The following EHBP1 variants were observed in gnomAD, a reference collection of about 807,000 sequenced individuals.
The protein encoded by EHBP1 is EH domain-binding protein 1.
A neutral mutation model predicts 144.0 loss-of-function variants in EHBP1; 55 were observed. The observed-to-expected ratio is 0.38, with a 90% CI of 0.31 to 0.48. The LOEUF is 0.48. Among genes scored for constraint, EHBP1 ranks in the 20% least tolerant of loss-of-function variants. The pLI is 0.98. For missense variants in EHBP1, 1,200 were observed against 1,364.2 expected (o/e 0.88, Z 1.90); for synonymous variants, 469 against 472.7 (o/e 0.99, Z 0.10).
intron 14 of EHBP1, among the ~76,000 whole-genome samples, chr2:62,968,616 T>C (rs1026419723): frequency 6.6e-6 from 1 of 152,208 alleles, no homozygotes; most frequent in Non-Finnish European, 1.5e-5. Flanking sequence ...CAGAACACTT[T>C]AACACAAATA....
At chr2:62,939,520 G>A (rs1033098005) in intron 10 of EHBP1, among the ~76,000 whole-genome samples, 9 of 152,034 alleles carry the variant, frequency 5.9e-5, no homozygotes, top group Admixed American at 2.6e-4. Context: ...TGATCTGCCC[G>A]CCTCAGCCTC....
intron 5 of EHBP1, among the ~76,000 whole-genome samples, chr2:62,819,794 A>G (rs956199830): frequency 6.6e-6 from 1 of 151,970 alleles, no homozygotes; most frequent in African/African-American, 2.4e-5. Context: ...ACCCGCGACA[A>G]CCCATATGTC....
intron 8 of EHBP1, among the ~76,000 whole-genome samples, chr2:62,860,824 A>AGGCTGGCT (rs2049465095): frequency 6.6e-6 from 1 of 152,208 alleles, no homozygotes. Flanking sequence ...ACATAAGATC[A>AGGCTGGCT]TATTTCTATG....
chr2:62,943,376 C>CAAA lies in EHBP1; in HGVS notation c.1365-404_1365-402dup, dbSNP rs11306610. On this transcript the variant is annotated intron_variant, in intron 11 of 22. Coordinates refer to ENST00000431489, the MANE Select transcript of EHBP1 (RefSeq NM_001142616.3). ...GGGCAACAAGAGCGAAACTCCGTCT[C>CAAA]AAAAAAAAAAAAAAAAAAAAAAAAT... Among the ~76,000 whole-genome samples, 128 of 87,744 alleles carry CAAA rather than the reference C, an allele frequency of 1.5e-3. 4 individuals are homozygous for CAAA. The highest frequency in any genetic ancestry group is 8.2e-3 in the South Asian group (18 of 2,188). The allele number at this position is 87,744 out of a possible 152,430, so 57.6% of individuals were successfully genotyped here. A position where few individuals can be genotyped will look rare whatever the true frequency, so the allele number is the denominator to read the frequency against.
intron 7 of EHBP1, among the ~76,000 whole-genome samples, chr2:62,849,316 G>A (rs542302235): frequency 8.5e-5 from 13 of 152,216 alleles, no homozygotes; most frequent in African/African-American, 3.1e-4. Flanking sequence ...GAGAGAGAGA[G>A]ATGCTGGGCC....
intron 7 of EHBP1, among the ~76,000 whole-genome samples, chr2:62,838,585 G>A (rs1041073734): frequency 4.0e-5 from 6 of 151,826 alleles, no homozygotes; most frequent in African/African-American, 1.2e-4. Flanking sequence ...AAAATTGATA[G>A]ACCACTAGCA....
intron 19 of EHBP1, among the ~76,000 whole-genome samples, chr2:63,029,482 A>G (rs964136924): frequency 1.3e-5 from 2 of 149,554 alleles, no homozygotes; most frequent in Admixed American, 6.8e-5. Context: ...CATCTTGGTT[A>G]TCTTGTATCT....
chr2:62,878,499 A>G (rs974459047), intron 10 of EHBP1, among the ~76,000 whole-genome samples: 2 of 152,192 alleles, frequency 1.3e-5, no homozygotes, highest in Admixed American at 6.5e-5. Context: ...AAAACTTGGC[A>G]AAGACACAAC....
At chr2:62,708,433 T>TATA (rs1404482411) in intron 2 of EHBP1, among the ~76,000 whole-genome samples, 1 of 152,308 alleles carries the variant, frequency 6.6e-6, no homozygotes, top group African/African-American at 2.4e-5. Flanking sequence ...GATGCAATAA[T>TATA]ATAAATATGT....
chr2:62,725,815 G>T (rs1572979032), intron 2 of EHBP1, among the ~76,000 whole-genome samples: 2 of 152,304 alleles, frequency 1.3e-5, no homozygotes, highest in Middle Eastern at 3.4e-3. Flanking sequence ...GTCATGATTG[G>T]AGGTGGTGTG....
intron 10 of EHBP1, among the ~76,000 whole-genome samples, chr2:62,941,956 TC>T (rs1160522877): frequency 6.6e-6 from 1 of 152,200 alleles, no homozygotes; most frequent in East Asian, 1.9e-4. Flanking sequence ...TAATATATAA[TC>T]TTAGGTTTGT....
chr2:62,695,269 G>C (rs1256662953), intron 1 of EHBP1, among the ~76,000 whole-genome samples: 8 of 152,114 alleles, frequency 5.3e-5, no homozygotes, highest in African/African-American at 1.9e-4. Flanking sequence ...GCTGAGGTGG[G>C]AGAATCACTT....
chr2:62,783,267 C>G (rs1186043325), intron 5 of EHBP1, among the ~76,000 whole-genome samples: 1 of 152,214 alleles, frequency 6.6e-6, no homozygotes, highest in Non-Finnish European at 1.5e-5. Context: ...CATTTAGTGT[C>G]TGTGGCTTTT....
chr2:62,738,656 A>C (rs1052796518), intron 2 of EHBP1, among the ~76,000 whole-genome samples: 1 of 152,182 alleles, frequency 6.6e-6, no homozygotes, highest in African/African-American at 2.4e-5. Context: ...TTCTGGATTT[A>C]TCTAAATTTC....
chr2:62,952,657 A>G (rs2057453458), intron 13 of EHBP1, among the ~76,000 whole-genome samples: 1 of 152,182 alleles, frequency 6.6e-6, no homozygotes, highest in African/African-American at 2.4e-5. Flanking sequence ...TATATGTGGG[A>G]AATCTGAGGT....
chr2:62,819,122 A>G (rs1309384101), intron 5 of EHBP1, among the ~76,000 whole-genome samples: 1 of 152,180 alleles, frequency 6.6e-6, no homozygotes, highest in African/African-American at 2.4e-5. Flanking sequence ...TTAGACCTCC[A>G]AAGCCAGAAA....
intron 5 of EHBP1, among the ~76,000 whole-genome samples, chr2:62,785,733 C>G (rs546356067): frequency 1.3e-5 from 2 of 152,160 alleles, no homozygotes; most frequent in South Asian, 4.2e-4. Context: ...ATACAACCTA[C>G]TTTTTCTTAC....
At chr2:62,684,230 C>T (rs970153720) in intron 1 of EHBP1, among the ~76,000 whole-genome samples, 2 of 151,822 alleles carry the variant, frequency 1.3e-5, no homozygotes, top group African/African-American at 2.4e-5. Flanking sequence ...CCTGGAAATA[C>T]ATCCTTCACA....
intron 2 of EHBP1, 137 bp downstream of exon 2, chr2:62,707,432 C>G (rs1229046297): frequency 4.7e-6 from 3 of 644,094 alleles, no homozygotes; most frequent in Non-Finnish European, 5.6e-6. Context: ...GCAGATAACT[C>G]TAACAAGTAC....
Sources: gnomAD v4.1 joint callset for allele counts (sites outside exome capture counted in the v4.1 genomes callset) on GRCh38, gnomAD v4.1.1 for gene constraint, MANE v1.5 for transcripts, NCBI Gene and HGNC (gene_info 2026-07-23, HGNC 2026-07-21) for gene names.